The following CCDC149 variants were observed in gnomAD, a reference collection of about 807,000 sequenced individuals.
The protein encoded by CCDC149 is coiled-coil domain containing 149.
Under a neutral mutation model 59.9 loss-of-function variants are expected in CCDC149, and 45 were observed. That is an observed-to-expected ratio of 0.75 (90% CI 0.59 to 0.96). The LOEUF (loss-of-function observed/expected upper bound fraction) is 0.96, where lower values mean the gene tolerates loss of function less well. CCDC149 is among the 40% of genes least tolerant of loss of function. The probability of loss-of-function intolerance (pLI) is 0.00; values close to 1 mark genes in which losing one functional copy is unlikely to be tolerated. For synonymous variants in CCDC149, 245 were observed against 260.6 expected (o/e 0.94, Z 0.58); for missense variants, 584 against 664.7 (o/e 0.88, Z 1.33).
intron 4 of CCDC149, among the ~76,000 whole-genome samples, 168 bp downstream of exon 4, chr4:24,852,904 G>T (rs1435197262): frequency 6.6e-6 from 1 of 151,818 alleles, no homozygotes; most frequent in Non-Finnish European, 1.5e-5. Context: ...CACACAAAGG[G>T]AATGTAAAAA....
intron 4 of CCDC149, among the ~76,000 whole-genome samples, chr4:24,845,414 T>A (rs1717224094): frequency 1.3e-5 from 2 of 152,232 alleles, no homozygotes; most frequent in Admixed American, 1.3e-4. Context: ...TTTAGTTTTT[T>A]ACTTAGCACG....
At chr4:24,903,495 AT>A (rs1721299448) in intron 1 of CCDC149, among the ~76,000 whole-genome samples, 1 of 152,196 alleles carries the variant, frequency 6.6e-6, no homozygotes, top group Non-Finnish European at 1.5e-5. Context: ...GGGCTCGGGA[AT>A]TAGAGAGGCA....
At chr4:24,860,125 C>G (rs1015137046) in intron 3 of CCDC149, among the ~76,000 whole-genome samples, 1 of 151,990 alleles carries the variant, frequency 6.6e-6, no homozygotes, top group African/African-American at 2.4e-5. Context: ...AAAAAGAGCC[C>G]GCATAGCCAA....
chr4:24,906,233 A>G (rs889530203), intron 1 of CCDC149, among the ~76,000 whole-genome samples: 11 of 152,068 alleles, frequency 7.2e-5, no homozygotes, highest in South Asian at 2.1e-4. Context: ...CTAATCCCCA[A>G]TTCCCTGGAC....
chr4:24,869,395 T>C (rs16876281), intron 3 of CCDC149, among the ~76,000 whole-genome samples: 3,191 of 152,284 alleles, frequency 0.021, 98 homozygotes, highest in South Asian at 0.081. Flanking sequence ...TGGCTATTCC[T>C]GGGGCCCAGC....
chr4:24,863,903 C>T (rs1718527190), intron 3 of CCDC149, among the ~76,000 whole-genome samples: 1 of 152,246 alleles, frequency 6.6e-6, no homozygotes, highest in Non-Finnish European at 1.5e-5. Context: ...ATGCAGGACA[C>T]AGCGGTAAGG....
intron 3 of CCDC149, among the ~76,000 whole-genome samples, chr4:24,870,059 G>T (rs1229103728): frequency 3.3e-5 from 5 of 152,192 alleles, no homozygotes; most frequent in Admixed American, 2.0e-4. Flanking sequence ...GATACTAAAT[G>T]TAAGAGGAAG....
intron 4 of CCDC149, among the ~76,000 whole-genome samples, chr4:24,838,652 G>A (rs541025079): frequency 1.3e-5 from 2 of 151,970 alleles, no homozygotes; most frequent in East Asian, 1.9e-4. Flanking sequence ...ATTATCAAGA[G>A]CCTTAAAAGT....
At chr4:24,920,862 A>T (rs1454503648) in intron 1 of CCDC149, among the ~76,000 whole-genome samples, 1 of 152,182 alleles carries the variant, frequency 6.6e-6, no homozygotes, top group Non-Finnish European at 1.5e-5. Flanking sequence ...CTACCAGTTC[A>T]GGGGTCACTT....
intron 1 of CCDC149, among the ~76,000 whole-genome samples, chr4:24,892,083 T>C (rs886667371): frequency 5.6e-4 from 85 of 152,186 alleles, no homozygotes; most frequent in Non-Finnish European, 4.6e-4. Context: ...GTTAAATATA[T>C]GTCCAGGCTG....
rs186500940 is a variant in CCDC149, at chr4:24,901,133, A to C, written c.63+11684T>G. ...TGAACAGTATTAGGATGTTTGTTGC[A>C]ATAAAATAGCTTCAGATAATGAAGA... On this transcript the variant is annotated intron_variant, in intron 1 of 12. Coordinates refer to ENST00000635206, the MANE Select transcript of CCDC149 (RefSeq NM_001330643.2). Among the ~76,000 whole-genome samples, 15 of 152,356 alleles carry C rather than the reference A, an allele frequency of 9.8e-5. No homozygotes were observed. The East Asian group carries it at 2.3e-3, about 24-fold the overall frequency.
At chr4:24,815,466 T>C (rs1023293349) in intron 12 of CCDC149, among the ~76,000 whole-genome samples, 19 of 152,312 alleles carry the variant, frequency 1.2e-4, no homozygotes, top group African/African-American at 4.6e-4. Context: ...TAAATTACGG[T>C]ACTTTCAGCA....
Position 24,876,340 on chromosome 4 carries a change from CAG to C in CCDC149, c.225+194_225+195del, listed in dbSNP as rs369314730. Among the ~76,000 whole-genome samples, 490 of 103,222 alleles carry C rather than the reference CAG, an allele frequency of 4.7e-3. 3 individuals carry two copies. Among genetic ancestry groups the C allele is most frequent in the East Asian group, 1.0e-2 (39 of 3,904 alleles). The allele number at this position is 103,222 out of a possible 152,430, so 67.7% of individuals were successfully genotyped here. ...ACACACACACACACACACACACACA[CAG>C]AGAGAGAGAGAGAGATTAACTTGTG... On this transcript the variant is annotated intron_variant, in intron 2 of 12. Transcript: ENST00000635206.
intron 3 of CCDC149, among the ~76,000 whole-genome samples, chr4:24,873,291 T>C (rs761758451): frequency 6.6e-6 from 1 of 152,186 alleles, no homozygotes; most frequent in South Asian, 2.1e-4. Flanking sequence ...CTGAATGGTA[T>C]GCACCCACTA....
rs75630138 is a variant in CCDC149, at chr4:24,846,233, T to C, written c.372+6839A>G. Reference sequence around the variant, plus strand: ...TGCTGGACTCGCTGAGCATTGCCTATAGTTCATAATCAAGATCCCAGGTAG... The same window carrying C: ...TGCTGGACTCGCTGAGCATTGCCTACAGTTCATAATCAAGATCCCAGGTAG... On this transcript the variant is annotated intron_variant, in intron 4 of 12. Coordinates refer to ENST00000635206, the MANE Select transcript of CCDC149 (RefSeq NM_001330643.2). Among the ~76,000 whole-genome samples, 24 of 152,274 alleles carry C rather than the reference T, an allele frequency of 1.6e-4. No individual in the cohort carries two copies. In the East Asian group the frequency reaches 4.4e-3, roughly 28 times the overall value.
intron 3 of CCDC149, among the ~76,000 whole-genome samples, chr4:24,859,050 G>T (rs1718208799): frequency 6.6e-6 from 1 of 152,148 alleles, no homozygotes; most frequent in Non-Finnish European, 1.5e-5. Context: ...GAACCAATGG[G>T]AGATTTTAAA....
chr4:24,858,557 G>C (rs369268895), intron 3 of CCDC149, among the ~76,000 whole-genome samples: 1 of 152,162 alleles, frequency 6.6e-6, no homozygotes, highest in African/African-American at 2.4e-5. Context: ...TGATGGGAAA[G>C]GGAGGGAAGA....
At chr4:24,947,816 GA>G (rs774005163) in intron 1 of CCDC149, among the ~76,000 whole-genome samples, 2 of 145,060 alleles carry the variant, frequency 1.4e-5, no homozygotes, top group Non-Finnish European at 3.0e-5. Context: ...AATGAAAAAA[GA>G]AGGAGGATTT....
chr4:24,861,707 C>T (rs190868493), intron 3 of CCDC149, among the ~76,000 whole-genome samples: 2 of 152,178 alleles, frequency 1.3e-5, no homozygotes, highest in African/African-American at 4.8e-5. Context: ...TGGCAATGAC[C>T]ATGATGTTAA....
Sources: allele counts gnomAD v4.1 joint callset (sites outside exome capture counted in the v4.1 genomes callset), GRCh38; gene constraint gnomAD v4.1.1; transcripts MANE v1.5; gene names NCBI Gene and HGNC (gene_info 2026-07-23, HGNC 2026-07-21).